RASGRF2: variants seen among roughly 807,000 people sequenced by gnomAD.
The protein encoded by RASGRF2 is ras-specific guanine nucleotide-releasing factor 2.
In RASGRF2, 76 loss-of-function variants were observed where a neutral mutation model predicts 151.0. The ratio of observed to expected loss-of-function variants is 0.50; its 90% CI spans 0.42 to 0.61. The LOEUF (loss-of-function observed/expected upper bound fraction) is 0.61, where lower values mean the gene tolerates loss of function less well. Ranked by LOEUF, RASGRF2 falls within the 20% of genes least tolerant of loss-of-function variation. The pLI, the probability that RASGRF2 is intolerant of heterozygous loss-of-function variation, is 0.00. For synonymous variants in RASGRF2, 504 were observed against 566.5 expected (o/e 0.89, Z 1.57); for missense variants, 1,148 against 1,564.6 (o/e 0.73, Z 4.49).
chr5:81,126,770 C>T (rs1753465672), intron 16 of RASGRF2, among the ~76,000 whole-genome samples: 2 of 152,114 alleles, frequency 1.3e-5, no homozygotes, highest in Admixed American at 1.3e-4. Flanking sequence ...ATAATATTCC[C>T]TTGTATTTTT....
At chr5:80,998,168 G>T (rs1344454178) in intron 1 of RASGRF2, 1 of 152,112 alleles carries the variant, frequency 6.6e-6, no homozygotes, top group African/African-American at 2.4e-5. Context: ...AAATGCCTGG[G>T]TGTTCACATG....
chr5:81,080,819 CAG>C lies in RASGRF2; in HGVS notation c.1161+33_1161+34del. The C allele has an allele frequency of 1.9e-6, 3 of 1,591,568 alleles. No homozygotes were observed. The South Asian group carries it at 3.4e-5, about 18-fold the overall frequency. ...GTCACTTGGGATGCATTTTGTAAGTCAGAGTTTCCAGCTCAATGTCACTGATA... is the reference window on the plus strand; with the variant it reads ...GTCACTTGGGATGCATTTTGTAAGTCAGTTTCCAGCTCAATGTCACTGATA... On this transcript the variant is annotated intron_variant, in intron 7 of 26. Coordinates refer to ENST00000265080, the MANE Select transcript of RASGRF2 (RefSeq NM_006909.3).
intron 12 of RASGRF2, among the ~76,000 whole-genome samples, chr5:81,107,513 C>T (rs1250416536): frequency 6.6e-6 from 1 of 152,186 alleles, no homozygotes; most frequent in African/African-American, 2.4e-5. Context: ...TCGTAGCTAA[C>T]ACTGAGTCCC....
At chr5:81,063,033 T>G (rs1258501741) in intron 2 of RASGRF2, among the ~76,000 whole-genome samples, 1 of 147,128 alleles carries the variant, frequency 6.8e-6, no homozygotes, top group African/African-American at 2.5e-5. Flanking sequence ...ATGAAAAGTA[T>G]GACAGAAAAA....
chr5:81,103,543 G>A (rs560878919), intron 12 of RASGRF2, among the ~76,000 whole-genome samples: 2 of 152,180 alleles, frequency 1.3e-5, no homozygotes, highest in Admixed American at 1.3e-4. Context: ...AGTCTCCAGA[G>A]AGAAAATGAG....
intron 1 of RASGRF2, among the ~76,000 whole-genome samples, chr5:81,039,698 G>A (rs2112387198): frequency 6.6e-6 from 1 of 152,146 alleles, no homozygotes; most frequent in Non-Finnish European, 1.5e-5. Flanking sequence ...GTAAATATTA[G>A]TAAATCCATT....
At chr5:81,010,939 T>A (rs1749438844) in intron 1 of RASGRF2, among the ~76,000 whole-genome samples, 2 of 152,254 alleles carry the variant, frequency 1.3e-5, no homozygotes, top group African/African-American at 4.8e-5. Flanking sequence ...GCTCTCTTTT[T>A]CACATTGCTA....
intron 12 of RASGRF2, among the ~76,000 whole-genome samples, chr5:81,106,058 T>C (rs1752836764): frequency 6.6e-6 from 1 of 152,244 alleles, no homozygotes; most frequent in East Asian, 1.9e-4. Context: ...ATGCATCTTC[T>C]TGGTGCTCTT....
intron 17 of RASGRF2, among the ~76,000 whole-genome samples, chr5:81,167,324 T>G (rs1253535526): frequency 6.6e-6 from 1 of 152,192 alleles, no homozygotes; most frequent in Non-Finnish European, 1.5e-5. Flanking sequence ...AACCAAGACG[T>G]AGCTATTGTT....
chr5:81,095,109 C>A, intron 12 of RASGRF2, 117 bp downstream of exon 12: 1 of 677,680 alleles, frequency 1.5e-6, no homozygotes, highest in Non-Finnish European at 2.1e-6. Context: ...TTGCTATGGT[C>A]ACTGCCATAA....
At chr5:81,137,567 T>C (rs998656795) in intron 17 of RASGRF2, among the ~76,000 whole-genome samples, 2 of 152,138 alleles carry the variant, frequency 1.3e-5, no homozygotes, top group African/African-American at 4.8e-5. Context: ...TGACTGTAGT[T>C]GAAGATAGGG....
chr5:81,208,555 T>G, intron 22 of RASGRF2, 117 bp downstream of exon 22: 1 of 333,904 alleles, frequency 3.0e-6, no homozygotes, highest in South Asian at 4.7e-5. Flanking sequence ...TTTTTTTTTT[T>G]TTTTTTTTTT....
intron 9 of RASGRF2, chr5:81,087,333 T>C (rs1752267124): frequency 1.4e-6 from 1 of 702,920 alleles, no homozygotes; most frequent in African/African-American, 1.7e-5. Flanking sequence ...TCAAAGCCCT[T>C]TCACATAAGA....
At chr5:81,032,143 TG>T (rs917767223) in intron 1 of RASGRF2, among the ~76,000 whole-genome samples, 6 of 152,120 alleles carry the variant, frequency 3.9e-5, no homozygotes, top group Admixed American at 3.3e-4. Context: ...GCTCTGAAAT[TG>T]AGGCAATAAT....
chr5:80,984,819 A>G (rs900140482), intron 1 of RASGRF2, among the ~76,000 whole-genome samples: 18 of 152,254 alleles, frequency 1.2e-4, no homozygotes, highest in Non-Finnish European at 2.5e-4. Context: ...TTATCCACAT[A>G]ATTGTATTTT....
At chr5:81,073,801 TAGAGAC>T (rs1751855615) in intron 5 of RASGRF2, among the ~76,000 whole-genome samples, 1 of 152,096 alleles carries the variant, frequency 6.6e-6, no homozygotes, top group African/African-American at 2.4e-5. Flanking sequence ...GTATTTTTAG[TAGAGAC>T]GGGGTTTCAC....
intron 17 of RASGRF2, among the ~76,000 whole-genome samples, chr5:81,177,693 C>T (rs775387862): frequency 7.3e-5 from 11 of 151,308 alleles, no homozygotes; most frequent in Non-Finnish European, 1.5e-4. Flanking sequence ...TGCTAAGTAC[C>T]ATAAAGTAGA....
intron 22 of RASGRF2, among the ~76,000 whole-genome samples, chr5:81,210,802 C>T (rs1034804841): frequency 1.3e-5 from 2 of 152,184 alleles, no homozygotes; most frequent in Non-Finnish European, 2.9e-5. Context: ...TCCTCCATTA[C>T]ACCATCCCTC....
chr5:80,989,701 C>T (rs1022654847), intron 1 of RASGRF2, among the ~76,000 whole-genome samples: 2 of 152,140 alleles, frequency 1.3e-5, no homozygotes, highest in East Asian at 1.9e-4. Flanking sequence ...GCTCTCCTCA[C>T]GTGCTGAAAT....
Sources: gnomAD v4.1 joint callset for allele counts (sites outside exome capture counted in the v4.1 genomes callset) on GRCh38, gnomAD v4.1.1 for gene constraint, MANE v1.5 for transcripts, NCBI Gene and HGNC (gene_info 2026-07-23, HGNC 2026-07-21) for gene names.